Variants in NRXN3 observed in about 807,000 individuals in gnomAD.
NRXN3 encodes neurexin 3.
Under a neutral mutation model 137.6 loss-of-function variants are expected in NRXN3, and 32 were observed. The observed-to-expected ratio is 0.23, with a 90% CI of 0.18 to 0.31. The LOEUF (loss-of-function observed/expected upper bound fraction) is 0.31, where lower values mean the gene tolerates loss of function less well. NRXN3 is among the 10% of genes least tolerant of loss of function. NRXN3 has a pLI of 1.00. For synonymous variants in NRXN3, 798 were observed against 784.5 expected, an observed-to-expected ratio of 1.02 and a Z score of -0.29; for missense variants, 1,574 against 2,062.5, an observed-to-expected ratio of 0.76 and a Z score of 4.59.
intron 19 of NRXN3, among the ~76,000 whole-genome samples, chr14:79,745,035 A>T (rs6574520): frequency 0.26 from 39,174 of 149,796 alleles, 5,698 homozygotes; most frequent in Admixed American, 0.37. Context: ...AAAAAAAAAA[A>T]GCAGGTAGAA....
intron 4 of NRXN3, among the ~76,000 whole-genome samples, chr14:78,467,278 T>C (rs1325987152): frequency 1.3e-5 from 2 of 152,208 alleles, no homozygotes; most frequent in African/African-American, 4.8e-5. Flanking sequence ...CTGTGTTAAA[T>C]TGTTTCTATT....
At chr14:79,144,241 C>G (rs532007383) in intron 15 of NRXN3, among the ~76,000 whole-genome samples, 1 of 152,260 alleles carries the variant, frequency 6.6e-6, no homozygotes, top group East Asian at 1.9e-4. Context: ...CCCCACCATG[C>G]CCATTGTACA....
intron 8 of NRXN3, among the ~76,000 whole-genome samples, chr14:78,753,171 C>T (rs71414767): frequency 0.2 from 31,127 of 152,078 alleles, 4,148 homozygotes; most frequent in African/African-American, 0.37. Flanking sequence ...CCAAATTCAA[C>T]TGAATATGAA....
chr14:79,845,574 CCGACCCAGAGAGACAGAG>C (rs1364624364), intron 20 of NRXN3, among the ~76,000 whole-genome samples: 1 of 114,644 alleles, frequency 8.7e-6, no homozygotes, highest in Non-Finnish European at 1.8e-5. Context: ...GAGAGAGAGA[CCGACCCAGAGAGACAGAG>C]AGAGAGAGAG....
intron 15 of NRXN3, among the ~76,000 whole-genome samples, chr14:79,220,420 G>C (rs967050868): frequency 1.3e-5 from 2 of 152,178 alleles, no homozygotes; most frequent in African/African-American, 4.8e-5. Context: ...CCATGCCTGA[G>C]TGGTACATTT....
chr14:79,264,554 G>GTGTGTGTGTGTT (rs2078155775), intron 15 of NRXN3, among the ~76,000 whole-genome samples: 1 of 151,774 alleles, frequency 6.6e-6, no homozygotes, highest in Non-Finnish European at 1.5e-5. Flanking sequence ...GTGTGTGTGT[G>GTGTGTGTGTGTT]TGTGCGCGCG....
intron 4 of NRXN3, among the ~76,000 whole-genome samples, chr14:78,595,304 C>T (rs541100716): frequency 6.6e-6 from 1 of 152,276 alleles, no homozygotes; most frequent in African/African-American, 2.4e-5. Context: ...GGTTGAATAC[C>T]TAAGAAGAAA....
chr14:79,666,832 C>T (rs74949696), intron 17 of NRXN3, among the ~76,000 whole-genome samples: 2,510 of 152,150 alleles, frequency 0.016, 74 homozygotes, highest in African/African-American at 0.058. Context: ...CCCCAAGCTG[C>T]TCTCCTTACA....
At chr14:79,133,032 G>A (rs1413556336) in intron 15 of NRXN3, among the ~76,000 whole-genome samples, 1 of 152,218 alleles carries the variant, frequency 6.6e-6, no homozygotes, top group Admixed American at 6.5e-5. Context: ...AACCCTGAAG[G>A]CGCTGGCAGC....
rs541156173 is a variant in NRXN3 at position 79,585,987 on chromosome 14, A to G, written c.3445-77791A>G. On this transcript the variant is annotated intron_variant, in intron 16 of 20. Transcript: ENST00000335750. The stretch of plus-strand genomic sequence containing the variant: ...CATACGAACGCCAAGTTTGTGGCGT[A>G]GCATATGGTGCTCCCTCAAATAAGC... Among the ~76,000 whole-genome samples, 28 of 152,338 alleles carry G rather than the reference A, an allele frequency of 1.8e-4. No individual in the cohort carries two copies. The South Asian group carries it at 5.8e-3, about 32-fold the overall frequency.
chr14:79,806,529 T>C (rs2099205928), intron 20 of NRXN3, among the ~76,000 whole-genome samples: 1 of 152,112 alleles, frequency 6.6e-6, no homozygotes, highest in African/African-American at 2.4e-5. Context: ...GGGCTTTCTT[T>C]TTCATATTTT....
intron 4 of NRXN3, among the ~76,000 whole-genome samples, chr14:78,508,276 C>G (rs1330729773): frequency 6.6e-6 from 1 of 152,170 alleles, no homozygotes; most frequent in Admixed American, 6.5e-5. Context: ...GGTGATGTAT[C>G]GCATACAAGT....
intron 15 of NRXN3, among the ~76,000 whole-genome samples, chr14:79,232,893 C>G (rs1430840439): frequency 6.6e-6 from 1 of 152,134 alleles, no homozygotes; most frequent in Non-Finnish European, 1.5e-5. Flanking sequence ...ACATAATGTG[C>G]TATGTATAAT....
At chr14:78,613,578 GTTTTTTTTT>G (rs57745190) in intron 4 of NRXN3, among the ~76,000 whole-genome samples, 23 of 95,102 alleles carry the variant, frequency 2.4e-4, no homozygotes, top group Admixed American at 3.4e-4. Context: ...CACAACCATA[GTTTTTTTTT>G]TTTTTTTTTT....
At chr14:78,458,657 A>C (rs1407979331) in intron 4 of NRXN3, among the ~76,000 whole-genome samples, 1 of 152,234 alleles carries the variant, frequency 6.6e-6, no homozygotes, top group African/African-American at 2.4e-5. Flanking sequence ...GTACAAAGCA[A>C]GTTCTTAATC....
chr14:78,404,873 A>T (rs1419616678), intron 4 of NRXN3, among the ~76,000 whole-genome samples: 1 of 152,138 alleles, frequency 6.6e-6, no homozygotes, highest in East Asian at 1.9e-4. Flanking sequence ...CTGCAAGTGG[A>T]ATTATTAGAC....
At chr14:78,918,947 A>G (rs2099263868) in intron 10 of NRXN3, among the ~76,000 whole-genome samples, 2 of 152,170 alleles carry the variant, frequency 1.3e-5, no homozygotes, top group African/African-American at 4.8e-5. Flanking sequence ...ATATTTCCTC[A>G]TCGTTACGTG....
At chr14:78,881,839 T>G (rs2099129914) in intron 10 of NRXN3, among the ~76,000 whole-genome samples, 1 of 151,592 alleles carries the variant, frequency 6.6e-6, no homozygotes, top group South Asian at 2.1e-4. Flanking sequence ...AACCAAATGT[T>G]AATCACCATG....
intron 2 of NRXN3, among the ~76,000 whole-genome samples, chr14:78,255,422 G>A (rs1596417879): frequency 1.3e-5 from 2 of 152,224 alleles, no homozygotes; most frequent in African/African-American, 4.8e-5. Flanking sequence ...TTTAGTTGCT[G>A]TGGAAACTTT....
Sources: allele counts gnomAD v4.1 joint callset (sites outside exome capture counted in the v4.1 genomes callset), GRCh38; gene constraint gnomAD v4.1.1; transcripts MANE v1.5; gene names NCBI Gene and HGNC (gene_info 2026-07-23, HGNC 2026-07-21).